The following DISC1 variants were observed in gnomAD, a reference collection of about 807,000 sequenced individuals.
DISC1 encodes the protein DISC1 scaffold protein.
A neutral mutation model predicts 84.5 loss-of-function variants in DISC1; 57 were observed. That is an observed-to-expected ratio of 0.67 (90% confidence interval 0.55 to 0.84). The LOEUF (loss-of-function observed/expected upper bound fraction) is 0.84, where lower values mean the gene tolerates loss of function less well. Ranked by LOEUF, DISC1 falls within the 40% of genes least tolerant of loss-of-function variation. The pLI is 0.00. For missense variants in DISC1, 1,000 were observed against 1,057.8 expected, an observed-to-expected ratio of 0.95 and a Z score of 0.76; for synonymous variants, 411 against 415.2, an observed-to-expected ratio of 0.99 and a Z score of 0.12.
intron 9 of DISC1, among the ~76,000 whole-genome samples, chr1:231,929,553 C>T (rs2090535854): frequency 6.6e-6 from 1 of 152,218 alleles, no homozygotes; most frequent in Non-Finnish European, 1.5e-5. Context: ...ACGGCCGCAG[C>T]TTCAAGCACA....
chr1:231,890,815 A>G (rs2087149173), intron 9 of DISC1, among the ~76,000 whole-genome samples: 1 of 152,220 alleles, frequency 6.6e-6, no homozygotes, highest in South Asian at 2.1e-4. Context: ...TTACTTACTG[A>G]TCATTCCTCC....
At chr1:232,000,457 A>G (rs928472038) in intron 10 of DISC1, among the ~76,000 whole-genome samples, 2 of 152,198 alleles carry the variant, frequency 1.3e-5, no homozygotes, top group Non-Finnish European at 2.9e-5. Context: ...TCTGTGGGAC[A>G]TAGCAAAAGA....
chr1:231,722,869 G>A lies in DISC1; in HGVS notation c.1117+20845G>A, dbSNP rs1573251077. The A allele has an allele frequency of 4.7e-5, 65 of 1,391,436 alleles. 1 individual carries two copies. In the East Asian group the frequency reaches 1.8e-3, roughly 38 times the overall value. The allele number at this position is 1,391,436 out of a possible 1,614,324, so 86.2% of individuals were successfully genotyped here. ...CATGCGTTTCCCAGTCCCCTGTCATGGCATGAAAAAACCGCTATTGTTCTG... is the reference window on the plus strand; with the variant it reads ...CATGCGTTTCCCAGTCCCCTGTCATAGCATGAAAAAACCGCTATTGTTCTG... On this transcript the variant is annotated intron_variant, in intron 3 of 12. Transcript: ENST00000439617.
chr1:231,664,302 T>G (rs746744323), intron 1 of DISC1, among the ~76,000 whole-genome samples: 7 of 152,160 alleles, frequency 4.6e-5, no homozygotes, highest in Non-Finnish European at 8.8e-5. Flanking sequence ...GAACTTAATC[T>G]TGCCTGAGAT....
At chr1:231,682,227 C>T (rs2063767518) in intron 1 of DISC1, among the ~76,000 whole-genome samples, 2 of 152,152 alleles carry the variant, frequency 1.3e-5, no homozygotes, top group South Asian at 4.1e-4. Context: ...GTTTCATCTC[C>T]TGCAATACAA....
chr1:231,695,153 T>C (rs572543023), intron 2 of DISC1, among the ~76,000 whole-genome samples: 1 of 152,174 alleles, frequency 6.6e-6, no homozygotes. Flanking sequence ...TGGGTGATGT[T>C]TGGAAGGACT....
intron 9 of DISC1, among the ~76,000 whole-genome samples, chr1:231,859,992 G>A (rs1052554225): frequency 2.0e-5 from 3 of 152,170 alleles, no homozygotes; most frequent in African/African-American, 7.2e-5. Flanking sequence ...TTCATACTCT[G>A]TAAAAGGCTT....
Position 231,696,274 on chromosome 1 carries a change from G to A in DISC1, c.1047+1469G>A, listed in dbSNP as rs184179847. ...TTTGCAAGAGGGTCTACCTTCCTGC[G>A]GTGTTTCTCTTCTCCAGTTAATTAA... On this transcript the variant is annotated intron_variant, in intron 2 of 12. Transcript: ENST00000439617. Among the ~76,000 whole-genome samples, 166 of 152,200 alleles carry A rather than the reference G, an allele frequency of 1.1e-3. 1 individual carries two copies. The highest frequency in any genetic ancestry group is 3.6e-3 in the African/African-American group (149 of 41,520).
chr1:231,809,741 A>G (rs2080105512), intron 8 of DISC1, among the ~76,000 whole-genome samples: 1 of 152,168 alleles, frequency 6.6e-6, no homozygotes, highest in African/African-American at 2.4e-5. Context: ...TCACACATCC[A>G]ATAATGAAAG....
chr1:231,910,782 G>A (rs1011645688), intron 9 of DISC1, among the ~76,000 whole-genome samples: 29 of 152,126 alleles, frequency 1.9e-4, no homozygotes, highest in Non-Finnish European at 3.5e-4. Context: ...GGGTGTTAAA[G>A]TCTCCCATTA....
At position 231,820,656 on chromosome 1, in the gene DISC1, T is replaced by G. The variant is rs141044822; in HGVS notation, c.1981+2139T>G. Among the ~76,000 whole-genome samples the G allele has an allele frequency of 5.1e-3, 778 of 152,272 alleles. 8 individuals are homozygous for G. The highest frequency in any genetic ancestry group is 0.018 in the African/African-American group (743 of 41,550). On this transcript the variant is annotated intron_variant, in intron 9 of 12. Transcript: ENST00000439617. Reference sequence around the variant, plus strand: ...ACAACATGTGCCATTCAGTCCAACCTGGCTGACCCAGCCACATGCATGTCC... The same window carrying G: ...ACAACATGTGCCATTCAGTCCAACCGGGCTGACCCAGCCACATGCATGTCC...
chr1:232,027,769 C>A (rs1472512622), intron 12 of DISC1, among the ~76,000 whole-genome samples: 3 of 150,160 alleles, frequency 2.0e-5, no homozygotes, highest in South Asian at 2.1e-4. Flanking sequence ...TTTTAGAATT[C>A]CAGTTTTTAC....
chr1:231,646,812 G>A (rs1477886025), intron 1 of DISC1, among the ~76,000 whole-genome samples: 1 of 152,200 alleles, frequency 6.6e-6, no homozygotes, highest in African/African-American at 2.4e-5. Flanking sequence ...GATGACCAGT[G>A]ATGATGAGCA....
chr1:231,692,722 T>G (rs902327287), intron 1 of DISC1, among the ~76,000 whole-genome samples: 4 of 152,214 alleles, frequency 2.6e-5, no homozygotes, highest in African/African-American at 9.7e-5. Context: ...AGATGAGAGC[T>G]CTGTGTGGGC....
In DISC1 at chr1:231,899,523, T is replaced by C. The variant is rs150245304; in HGVS notation, c.1982-59305T>C. 1.2e-4 allele frequency among the ~76,000 whole-genome samples: 19 copies of C among 152,302 alleles called. No individual in the cohort carries two copies. The East Asian group carries it at 3.7e-3, about 29-fold the overall frequency. ...AATGTGGCTGTAAGTTTTACCTAAT[T>C]AAAATGCTGCATCTGGTTTGGATGA... On this transcript the variant is annotated intron_variant, in intron 9 of 12. Coordinates refer to ENST00000439617, the MANE Select transcript of DISC1 (RefSeq NM_018662.3).
Position 231,851,224 on chromosome 1 carries a change from C to T in DISC1, c.1981+32707C>T, listed in dbSNP as rs766304865. ...GAGTATATTTTTTAACTGTGTTTTT[C>T]GAAGGCAACTTTAAGTGCTAACAAT... On this transcript the variant is annotated intron_variant, in intron 9 of 12. Transcript: ENST00000439617. 2.5e-4 allele frequency among the ~76,000 whole-genome samples: 38 copies of T among 152,144 alleles called. 1 individual carries two copies. Among genetic ancestry groups the T allele is most frequent in the Admixed American group, 2.3e-3 (35 of 15,284 alleles).
At chr1:231,693,179 G>A (rs2065248512) in intron 1 of DISC1, among the ~76,000 whole-genome samples, 1 of 152,204 alleles carries the variant, frequency 6.6e-6, no homozygotes, top group Admixed American at 6.5e-5. Context: ...GTCAGCATTT[G>A]TTATTGTTCC....
chr1:231,817,027 G>T (rs1369585104), intron 8 of DISC1, among the ~76,000 whole-genome samples: 1 of 151,638 alleles, frequency 6.6e-6, no homozygotes, highest in African/African-American at 2.4e-5. Flanking sequence ...AGAGTGTAGT[G>T]CCTGTTCAAA....
chr1:231,649,037 GT>G (rs993335863), intron 1 of DISC1, among the ~76,000 whole-genome samples: 1 of 152,000 alleles, frequency 6.6e-6, no homozygotes, highest in Non-Finnish European at 1.5e-5. Context: ...TTTTTGAAGG[GT>G]TTTTTGTCTC....
Sources: gnomAD v4.1 joint callset for allele counts (sites outside exome capture counted in the v4.1 genomes callset) on GRCh38, gnomAD v4.1.1 for gene constraint, MANE v1.5 for transcripts, NCBI Gene and HGNC (gene_info 2026-07-23, HGNC 2026-07-21) for gene names.